The following TRAPPC9 variants were observed in gnomAD, a reference collection of about 807,000 sequenced individuals.
The protein encoded by TRAPPC9 is IKK2 binding protein.
TRAPPC9 carries 83 observed loss-of-function variants against 124.0 expected under a neutral mutation model. That is an observed-to-expected ratio of 0.67 (90% confidence interval 0.56 to 0.80). The LOEUF is 0.80. Ranked by LOEUF, TRAPPC9 falls within the 30% of genes least tolerant of loss-of-function variation. The pLI is 0.00. For synonymous variants in TRAPPC9, 638 were observed against 617.5 expected (o/e 1.03, Z -0.49); for missense variants, 1,302 against 1,508.3 (o/e 0.86, Z 2.27).
chr8:140,179,993 A>ATGTTTTTT (rs2062160145), intron 17 of TRAPPC9, among the ~76,000 whole-genome samples: 1 of 90,032 alleles, frequency 1.1e-5, no homozygotes, highest in Admixed American at 1.7e-4. Context: ...TTATATCTTG[A>ATGTTTTTT]TTTTTTTTTT....
chr8:140,106,272 T>C (rs1024334969), intron 17 of TRAPPC9, among the ~76,000 whole-genome samples: 3 of 152,200 alleles, frequency 2.0e-5, no homozygotes, highest in African/African-American at 7.2e-5. Flanking sequence ...TTCGCATTTT[T>C]GTGTCAGACA....
chr8:140,370,940 G>T (rs2068263144), intron 8 of TRAPPC9, 24 bp downstream of exon 8: 12 of 1,612,408 alleles, frequency 7.4e-6, no homozygotes, highest in Non-Finnish European at 1.0e-5. Flanking sequence ...CAACACCTTA[G>T]CGCCAGCAAG....
chr8:140,021,856 T>G (rs924550099), intron 18 of TRAPPC9, among the ~76,000 whole-genome samples: 2 of 152,170 alleles, frequency 1.3e-5, no homozygotes, highest in Admixed American at 1.3e-4. Context: ...GTCAAACAGG[T>G]ATTTTCCAAA....
intron 19 of TRAPPC9, chr8:139,933,608 C>G (rs1218057321): frequency 2.0e-5 from 3 of 152,300 alleles, no homozygotes; most frequent in Middle Eastern, 3.2e-3. Flanking sequence ...CCGCGTGGCC[C>G]GGTCTTGCCT....
intron 16 of TRAPPC9, among the ~76,000 whole-genome samples, chr8:140,239,813 G>C (rs2063817463): frequency 6.6e-6 from 1 of 152,190 alleles, no homozygotes; most frequent in Non-Finnish European, 1.5e-5. Context: ...AAATATTATG[G>C]CATTAAGATT....
At chr8:140,184,286 G>A (rs925676613) in intron 17 of TRAPPC9, among the ~76,000 whole-genome samples, 1 of 151,670 alleles carries the variant, frequency 6.6e-6, no homozygotes, top group African/African-American at 2.4e-5. Flanking sequence ...ACTGTTCTTT[G>A]AAAAGCAACA....
At chr8:140,108,824 A>G (rs1262722511) in intron 17 of TRAPPC9, among the ~76,000 whole-genome samples, 1 of 152,178 alleles carries the variant, frequency 6.6e-6, no homozygotes, top group Non-Finnish European at 1.5e-5. Context: ...GAGCAGCGTG[A>G]CATTTATCTG....
rs114210436 is a variant in TRAPPC9 at position 139,825,779 on chromosome 8, G to A, written c.3055+60100C>T. Among the ~76,000 whole-genome samples, 677 of 152,174 alleles carry A rather than the reference G, an allele frequency of 4.4e-3. 4 individuals are homozygous for A. Among genetic ancestry groups the A allele is most frequent in the African/African-American group, 0.015 (612 of 41,508 alleles). On this transcript the variant is annotated intron_variant, in intron 21 of 22. Coordinates refer to ENST00000438773, the MANE Select transcript of TRAPPC9 (RefSeq NM_001160372.4). This position sits in a 1 kb window ranked among gnomAD's most constrained non-coding sequence, Gnocchi z 4.6. Reference sequence around the variant, plus strand: ...AGGGAGGCAATTCCGAAGAGCAGACGAGCCTCCGAGACAACAGCCGTGAGA... The same window carrying A: ...AGGGAGGCAATTCCGAAGAGCAGACAAGCCTCCGAGACAACAGCCGTGAGA...
chr8:140,300,689 G>A (rs2065951535), intron 10 of TRAPPC9, 75 bp from the exon 11 acceptor site: 1 of 1,571,816 alleles, frequency 6.4e-7, no homozygotes, highest in African/African-American at 1.3e-5. Context: ...AACCAAACAT[G>A]ATGTATCAGA....
intron 11 of TRAPPC9, 104 bp from the exon 12 acceptor site, chr8:140,291,182 G>C (rs1003922671): frequency 8.8e-6 from 9 of 1,028,254 alleles, no homozygotes; most frequent in Non-Finnish European, 1.4e-5. Flanking sequence ...TCTCAGTGAG[G>C]CAGCAGGCTC....
intron 17 of TRAPPC9, among the ~76,000 whole-genome samples, chr8:140,211,969 A>C (rs1185897323): frequency 6.6e-6 from 1 of 152,230 alleles, no homozygotes; most frequent in Non-Finnish European, 1.5e-5. Flanking sequence ...ACACAGGAAG[A>C]AGGGCCTGAC....
intron 7 of TRAPPC9, among the ~76,000 whole-genome samples, chr8:140,383,083 C>T (rs1360090812): frequency 6.6e-6 from 1 of 152,242 alleles, no homozygotes; most frequent in Non-Finnish European, 1.5e-5. Context: ...CAAACTCCAA[C>T]AGACCTGCAG....
chr8:140,113,957 G>C (rs1397624357), intron 17 of TRAPPC9, among the ~76,000 whole-genome samples: 2 of 152,190 alleles, frequency 1.3e-5, no homozygotes, highest in African/African-American at 4.8e-5. Context: ...CTCATCTGCG[G>C]AACTTCTGGC....
chr8:139,820,517 C>T (rs1469377763), intron 21 of TRAPPC9, among the ~76,000 whole-genome samples: 2 of 152,182 alleles, frequency 1.3e-5, no homozygotes, highest in Non-Finnish European at 2.9e-5. Flanking sequence ...AACAAATATT[C>T]CACATATACA....
At chr8:140,354,683 T>C (rs1322982803) in intron 9 of TRAPPC9, among the ~76,000 whole-genome samples, 2 of 152,188 alleles carry the variant, frequency 1.3e-5, no homozygotes. Context: ...TTTATTTCAA[T>C]GCAGCAAAAT....
chr8:139,845,369 G>A (rs1261538925), intron 21 of TRAPPC9, among the ~76,000 whole-genome samples: 4 of 152,092 alleles, frequency 2.6e-5, no homozygotes, highest in Non-Finnish European at 4.4e-5. Context: ...AAACATATAC[G>A]GGTTCCATAA....
intron 17 of TRAPPC9, among the ~76,000 whole-genome samples, chr8:140,213,797 T>C (rs1279439105): frequency 2.0e-5 from 3 of 152,188 alleles, no homozygotes; most frequent in Admixed American, 6.5e-5. Context: ...CTAGTTTCGT[T>C]AGGATTTCAA....
chr8:139,947,329 G>A (rs1047669401), intron 19 of TRAPPC9, among the ~76,000 whole-genome samples: 1 of 152,148 alleles, frequency 6.6e-6, no homozygotes, highest in Admixed American at 6.5e-5. Context: ...TTTAACAAGA[G>A]ATAATGTGGT....
chr8:139,763,778 C>T (rs1820400962), intron 21 of TRAPPC9, among the ~76,000 whole-genome samples: 1 of 152,154 alleles, frequency 6.6e-6, no homozygotes, highest in African/African-American at 2.4e-5. Flanking sequence ...TGGCTCAGAC[C>T]AGGTCGAAGC....
Sources: gnomAD v4.1 joint callset for allele counts (sites outside exome capture counted in the v4.1 genomes callset) on GRCh38, gnomAD v4.1.1 for gene constraint, Gnocchi (gnomAD v3.1) non-coding constraint, MANE v1.5 for transcripts, NCBI Gene and HGNC (gene_info 2026-07-23, HGNC 2026-07-21) for gene names.